Variants in DHRSX observed in about 807,000 individuals in gnomAD.
DHRSX encodes dehydrogenase/reductase X-linked.
A neutral mutation model predicts 34.0 loss-of-function variants in DHRSX; 31 were observed. The ratio of observed to expected loss-of-function variants is 0.91; its 90% CI spans 0.69 to 1.23. The LOEUF (loss-of-function observed/expected upper bound fraction) is 1.23. DHRSX is among the 50% of genes most tolerant of loss of function. The pLI, the probability that DHRSX is intolerant of heterozygous loss-of-function variation, is 0.00. For missense variants in DHRSX, 414 were observed against 428.1 expected (o/e 0.97, Z 0.29); for synonymous variants, 201 against 183.8 (o/e 1.09, Z -0.76).
chrX:2,360,263 G>A (rs771474391), intron 3 of DHRSX, among the ~76,000 whole-genome samples: 53 of 152,196 alleles, frequency 3.5e-4, no homozygotes, highest in African/African-American at 1.1e-3. Flanking sequence ...TAAACATTTC[G>A]CAAGAGTGAA....
chrX:2,471,513 G>A (rs1016129205), intron 1 of DHRSX, among the ~76,000 whole-genome samples: 16 of 151,366 alleles, frequency 1.1e-4, no homozygotes, highest in South Asian at 4.2e-4. Context: ...GCAGTGAGCC[G>A]AGATTGAGCC....
chrX:2,497,118 G>A (rs1333924331), intron 1 of DHRSX, among the ~76,000 whole-genome samples: 7 of 152,046 alleles, frequency 4.6e-5, no homozygotes, highest in Non-Finnish European at 7.4e-5. Context: ...ATTGGAGGCC[G>A]GGGGCAGGGG....
At chrX:2,378,270 C>T (rs2043164558) in intron 3 of DHRSX, among the ~76,000 whole-genome samples, 1 of 152,244 alleles carries the variant, frequency 6.6e-6, no homozygotes, top group Non-Finnish European at 1.5e-5. Context: ...AGAGATTTGA[C>T]TTCTGTGGCT....
Position 2,483,789 on chromosome X carries a change from C to CA in DHRSX, c.109+17027dup, listed in dbSNP as rs111577835. 5.0e-3 allele frequency among the ~76,000 whole-genome samples: 552 copies of CA among 110,352 alleles called. 3 individuals are homozygous for CA. The highest frequency in any genetic ancestry group is 0.01 in the South Asian group (36 of 3,578). The allele number at this position is 110,352 out of a possible 152,430, so 72.4% of individuals were successfully genotyped here. ...TCGAGAAAAAAAAGGGAAAAAGTGGCAAAAAAAAAAAAAAAAAAAAGTAGT... is the reference window on the plus strand; with the variant it reads ...TCGAGAAAAAAAAGGGAAAAAGTGGCAAAAAAAAAAAAAAAAAAAAAGTAGT... On this transcript the variant is annotated intron_variant, in intron 1 of 6. Transcript: ENST00000334651.
At chrX:2,302,635 A>ATAAATAAG (rs1319807389) in intron 3 of DHRSX, among the ~76,000 whole-genome samples, 1 of 151,328 alleles carries the variant, frequency 6.6e-6, no homozygotes, top group Non-Finnish European at 1.5e-5. Context: ...AAATAAATAA[A>ATAAATAAG]GTAATATATT....
At chrX:2,404,550 T>C (rs1262743621) in intron 3 of DHRSX, among the ~76,000 whole-genome samples, 2 of 152,214 alleles carry the variant, frequency 1.3e-5, no homozygotes, top group African/African-American at 2.4e-5. Context: ...GCCTTGTCTC[T>C]TCCTTTCCCA....
intron 4 of DHRSX, among the ~76,000 whole-genome samples, chrX:2,268,554 CAT>C (rs1294048510): frequency 1.4e-4 from 22 of 152,176 alleles, no homozygotes; most frequent in African/African-American, 3.9e-4. Context: ...TTAGCATGTA[CAT>C]ATGTGTTCAC....
intron 3 of DHRSX, among the ~76,000 whole-genome samples, chrX:2,301,363 G>A (rs753755080): frequency 2.6e-5 from 4 of 152,260 alleles, no homozygotes; most frequent in African/African-American, 9.6e-5. Context: ...GCAGTGAGCC[G>A]AGACCATGCC....
chrX:2,292,297 T>A (rs188700988), intron 3 of DHRSX, among the ~76,000 whole-genome samples: 91 of 152,290 alleles, frequency 6.0e-4, no homozygotes, highest in African/African-American at 2.1e-3. Flanking sequence ...GATCTGCAGC[T>A]TCCAGGAATT....
At chrX:2,435,942 C>G (rs1334837795) in intron 1 of DHRSX, among the ~76,000 whole-genome samples, 1 of 152,176 alleles carries the variant, frequency 6.6e-6, no homozygotes, top group Non-Finnish European at 1.5e-5. Context: ...CGCCTGTAAT[C>G]CCAGCACTTT....
rs918665128 is a variant in DHRSX at position 2,426,637 on chromosome X, ACTTC to A, written c.110-1337_110-1334del. 1.9e-4 allele frequency among the ~76,000 whole-genome samples: 21 copies of A among 110,852 alleles called. No homozygotes were observed. In the Admixed American group the frequency reaches 2.1e-3, roughly 11 times the overall value. The allele number at this position is 110,852 out of a possible 152,430, so 72.7% of individuals were successfully genotyped here. ...TTCCTCTTTCCCTCCTTTCTTCTTTACTTCCTTGTCTCACTCCTTCTTTCTTCTT... is the reference window on the plus strand; with the variant it reads ...TTCCTCTTTCCCTCCTTTCTTCTTTACTTGTCTCACTCCTTCTTTCTTCTT... On this transcript the variant is annotated intron_variant, in intron 1 of 6. Transcript: ENST00000334651.
chrX:2,404,173 C>T (rs780329230), intron 3 of DHRSX, among the ~76,000 whole-genome samples: 8 of 152,262 alleles, frequency 5.3e-5, no homozygotes, highest in African/African-American at 1.4e-4. Flanking sequence ...GATCATTTAA[C>T]GGCCTCATAA....
intron 5 of DHRSX, among the ~76,000 whole-genome samples, chrX:2,251,457 C>T (rs2016431896): frequency 6.6e-6 from 1 of 152,204 alleles, no homozygotes; most frequent in Non-Finnish European, 1.5e-5. Flanking sequence ...CTTCCTCCTT[C>T]CTTTGTTCTC....
chrX:2,476,974 C>T (rs2044689662), intron 1 of DHRSX, among the ~76,000 whole-genome samples: 2 of 152,154 alleles, frequency 1.3e-5, no homozygotes, highest in Admixed American at 6.6e-5. Context: ...TGCACTCCAG[C>T]CTTGGCAACA....
intron 1 of DHRSX, among the ~76,000 whole-genome samples, chrX:2,428,267 G>T (rs998950374): frequency 1.3e-5 from 2 of 151,922 alleles, no homozygotes; most frequent in East Asian, 1.9e-4. Flanking sequence ...AAATACAAAG[G>T]TAATTTAAAT....
At chrX:2,238,436 G>A (rs1028868031) in intron 6 of DHRSX, among the ~76,000 whole-genome samples, 2 of 152,046 alleles carry the variant, frequency 1.3e-5, no homozygotes, top group Non-Finnish European at 2.9e-5. Flanking sequence ...ATTTGGAATC[G>A]AGTCCATGTG....
chrX:2,305,081 A>C (rs945784547), intron 3 of DHRSX, among the ~76,000 whole-genome samples: 5 of 152,136 alleles, frequency 3.3e-5, no homozygotes, highest in African/African-American at 1.2e-4. Context: ...AGAAGCCATT[A>C]TTCTTGGCAA....
chrX:2,481,329 C>T (rs2044767391), intron 1 of DHRSX, among the ~76,000 whole-genome samples: 1 of 152,092 alleles, frequency 6.6e-6, no homozygotes, highest in Non-Finnish European at 1.5e-5. Flanking sequence ...ACACAAGGGG[C>T]TCCAAGTTTC....
At chrX:2,458,787 C>A (rs1189575574) in intron 1 of DHRSX, among the ~76,000 whole-genome samples, 1 of 151,828 alleles carries the variant, frequency 6.6e-6, no homozygotes, top group Non-Finnish European at 1.5e-5. Context: ...CACAGAAGGC[C>A]AGGAGTTTGA....
Sources: gnomAD v4.1 joint callset for allele counts (sites outside exome capture counted in the v4.1 genomes callset) on GRCh38, gnomAD v4.1.1 for gene constraint, MANE v1.5 for transcripts, NCBI Gene and HGNC (gene_info 2026-07-23, HGNC 2026-07-21) for gene names.